The following USP2 variants were observed in gnomAD, a reference collection of about 807,000 sequenced individuals.
USP2 encodes the protein ubiquitin specific peptidase 2.
USP2 carries 33 observed loss-of-function variants against 72.0 expected under a neutral mutation model. That is an observed-to-expected ratio of 0.46 (90% confidence interval 0.35 to 0.61). USP2 has a LOEUF of 0.61. Among genes scored for constraint, USP2 ranks in the 20% least tolerant of loss-of-function variants. USP2 has a pLI of 0.01. For missense variants in USP2, 691 were observed against 797.8 expected, an observed-to-expected ratio of 0.87 and a Z score of 1.61; for synonymous variants, 296 against 312.5, an observed-to-expected ratio of 0.95 and a Z score of 0.56.
chr11:119,358,666 G>A, intron 7 of USP2, 107 bp downstream of exon 7: 3 of 1,341,448 alleles, frequency 2.2e-6, no homozygotes, highest in Non-Finnish European at 3.2e-6. Flanking sequence ...TTGAACACTA[G>A]GCAGAAACAG....
In USP2 at chr11:119,356,837, A is replaced by G; in HGVS notation, c.1816T>C (p.Ter606GlnextTer17). ...GAGAAGGGACGTGGCTCCTGGCGCTACATTCGGGAGGGCGGGCTGGCCAGT... is the reference window on the plus strand; with the variant it reads ...GAGAAGGGACGTGGCTCCTGGCGCTGCATTCGGGAGGGCGGGCTGGCCAGT... ...YELASPPSRM[*>Q] The change falls in exon 13 of 13, where the codon TAG becomes CAG. Residue 606 changes from the stop codon to glutamine, a stop_lost. Transcript: ENST00000260187. 1 of 1,561,534 alleles carries G rather than the reference A, an allele frequency of 6.4e-7. No homozygotes were observed.
intron 1 of USP2, chr11:119,376,273 G>T: frequency 4.1e-6 from 4 of 985,650 alleles, no homozygotes; most frequent in Non-Finnish European, 4.8e-6. Context: ...GCAGGAGAGC[G>T]GGCTGGGGCC....
At chr11:119,380,105 TG>T (rs1456446137) in intron 1 of USP2, among the ~76,000 whole-genome samples, 2 of 151,824 alleles carry the variant, frequency 1.3e-5, no homozygotes, top group African/African-American at 4.8e-5. Context: ...TTAGTAGAGA[TG>T]GGGTTTCACC....
chr11:119,378,785 C>A (rs1951029943), intron 1 of USP2, among the ~76,000 whole-genome samples: 1 of 152,206 alleles, frequency 6.6e-6, no homozygotes, highest in Non-Finnish European at 1.5e-5. Flanking sequence ...CCCAGGTACT[C>A]TCCTGGTGCC....
rs112474908 is a variant in USP2 at position 119,367,473 on chromosome 11, C to T, written c.774+5234G>A. ...AAGCCTGGCTCCCAGCATGTGCCTG[C>T]GATTACCACCGCAAATGGACAGACC... On this transcript the variant is annotated intron_variant, in intron 2 of 12. Coordinates refer to ENST00000260187, the MANE Select transcript of USP2 (RefSeq NM_004205.5). Among the ~76,000 whole-genome samples the T allele has an allele frequency of 2.4e-3, 373 of 152,246 alleles. 3 individuals are homozygous for T. Among genetic ancestry groups the T allele is most frequent in the Non-Finnish European group, 3.5e-3 (238 of 68,026 alleles).
Position 119,359,647 on chromosome 11 carries a change from G to A in USP2, c.839C>T (p.Ser280Leu). Reference protein sequence around the residue: ...RNLGNTCFMNSILQCLSNTRE... With the variant: ...RNLGNTCFMNLILQCLSNTRE... ...AGTGTTGCTCAGGCACTGCAGAATT[G>A]AGTTCATGAAGCACTGCAAGAGATG... Residue 280 changes from serine to leucine, a missense_variant, in exon 4 of 13, where the codon TCA (serine) becomes TTA (leucine). Transcript: ENST00000260187. The A allele has an allele frequency of 2.5e-6, 4 of 1,613,716 alleles. No individual in the cohort carries two copies. The highest frequency in any genetic ancestry group is 3.4e-6 in the Non-Finnish European group (4 of 1,180,024).
At position 119,381,505 on chromosome 11, in the gene USP2, C is replaced by CA. The variant is rs1229744578; in HGVS notation, c.-75_-74insT. 9.1e-6 allele frequency: 14 copies of CA among 1,536,054 alleles called. No individual in the cohort carries two copies. In the Admixed American group the frequency reaches 1.4e-4, roughly 15 times the overall value. On this transcript the variant is annotated 5_prime_UTR_variant, in exon 1 of 13. It introduces an in-frame stop codon into an upstream open reading frame of the 5' UTR. Coordinates refer to ENST00000260187, the MANE Select transcript of USP2 (RefSeq NM_004205.5). ...TTCTTGGAGTATGGACGAGTCGAAC[C>CA]GGGCACAAGCATGGAGCTGCGGGTG...
intron 2 of USP2, among the ~76,000 whole-genome samples, chr11:119,367,065 G>A (rs1026327051): frequency 1.3e-5 from 2 of 152,144 alleles, no homozygotes; most frequent in East Asian, 1.9e-4. Flanking sequence ...CTCATCTCTC[G>A]GCCAGCCAGG....
At chr11:119,365,988 G>A (rs1007213325) in intron 2 of USP2, among the ~76,000 whole-genome samples, 13 of 151,338 alleles carry the variant, frequency 8.6e-5, no homozygotes, top group East Asian at 1.9e-4. Flanking sequence ...TCTGCCTCCC[G>A]GGTTCAAACA....
At position 119,381,595 on chromosome 11, in the gene USP2, G is replaced by T; in HGVS notation, c.-164C>A. ...TGACGAAGAGGGCTCCCCGGCCTCG[G>T]CTCCTGCCTGACTCTCTCCCACCTC... On this transcript the variant is annotated 5_prime_UTR_variant, in exon 1 of 13. Coordinates refer to ENST00000260187, the MANE Select transcript of USP2 (RefSeq NM_004205.5). 1 of 1,516,370 alleles carries T rather than the reference G, an allele frequency of 6.6e-7. No individual in the cohort carries two copies. Among genetic ancestry groups the T allele is most frequent in the Non-Finnish European group, 8.9e-7 (1 of 1,129,462 alleles). The allele number at this position is 1,516,370 out of a possible 1,614,324, so 93.9% of individuals were successfully genotyped here.
At chr11:119,372,607 G>A in intron 2 of USP2, 100 bp downstream of exon 2, 2 of 1,213,606 alleles carry the variant, frequency 1.6e-6, no homozygotes, top group East Asian at 4.9e-5. Context: ...GGAGCAGCCT[G>A]TCAGTCATCA....
At position 119,358,152 on chromosome 11, in the gene USP2, A is replaced by G. The variant is rs146666365; in HGVS notation, c.1338T>C (p.Ala446=). 6.9e-5 allele frequency: 112 copies of G among 1,614,052 alleles called. No homozygotes were observed. The highest frequency in any genetic ancestry group is 9.1e-5 in the Non-Finnish European group (107 of 1,180,030). Residue 446 remains alanine, a synonymous_variant, in exon 8 of 13, where the codon GCT becomes GCC. Transcript: ENST00000260187. The part of the protein sequence containing the change: ...DPFWDLSLPI[A]KRGYPEVTLM... ...GGCGGGCAACTGGGGTGCATACCTT[A>G]GCAATGGGCAGTGAGAGGTCCCAGA... is the stretch of plus-strand genomic sequence containing the variant.
chr11:119,371,002 G>C (rs1236268570), intron 2 of USP2, among the ~76,000 whole-genome samples: 1 of 152,150 alleles, frequency 6.6e-6, no homozygotes, highest in African/African-American at 2.4e-5. Flanking sequence ...CATGATTGGG[G>C]CTGAGGGTGG....
intron 1 of USP2, among the ~76,000 whole-genome samples, chr11:119,379,725 A>C (rs1477714458): frequency 6.6e-6 from 1 of 152,212 alleles, no homozygotes; most frequent in African/African-American, 2.4e-5. Flanking sequence ...ATAGTGGTCT[A>C]TCTCAGTTGT....
At chr11:119,373,858 C>A (rs1305804465) in intron 1 of USP2, among the ~76,000 whole-genome samples, 2 of 152,230 alleles carry the variant, frequency 1.3e-5, no homozygotes, top group Admixed American at 1.3e-4. Context: ...AGGTCAAATC[C>A]CATTGCCTCA....
At chr11:119,360,806 C>T (rs551746389) in intron 2 of USP2, among the ~76,000 whole-genome samples, 1 of 152,244 alleles carries the variant, frequency 6.6e-6, no homozygotes, top group South Asian at 2.1e-4. Context: ...ATCTCCCTGC[C>T]CCCCATCTTT....
In USP2 at chr11:119,360,253, T is replaced by A; in HGVS notation, c.775-19A>T. On this transcript the variant is annotated intron_variant, in intron 2 of 12. Coordinates refer to ENST00000260187, the MANE Select transcript of USP2 (RefSeq NM_004205.5). ...TAGAATTCTGTAAGCAAAGAACATATGGCAATAAGGTGGAAGCAAAGATGC... is the reference window on the plus strand; with the variant it reads ...TAGAATTCTGTAAGCAAAGAACATAAGGCAATAAGGTGGAAGCAAAGATGC... The A allele has an allele frequency of 1.9e-6, 3 of 1,613,612 alleles. No homozygotes were observed.
intron 2 of USP2, among the ~76,000 whole-genome samples, chr11:119,366,681 T>C (rs993518855): frequency 6.6e-6 from 1 of 152,194 alleles, no homozygotes; most frequent in East Asian, 1.9e-4. Context: ...CTAGGAATCC[T>C]GGGAGTCACA....
intron 2 of USP2, among the ~76,000 whole-genome samples, chr11:119,369,495 CT>C (rs368072999): frequency 1.7e-3 from 264 of 151,834 alleles, no homozygotes; most frequent in African/African-American, 6.3e-3. Flanking sequence ...ACAGGATGTA[CT>C]TTTTTTTACC....
Sources: allele counts gnomAD v4.1 joint callset (sites outside exome capture counted in the v4.1 genomes callset), GRCh38; gene constraint gnomAD v4.1.1; transcripts MANE v1.5; gene names NCBI Gene and HGNC (gene_info 2026-07-23, HGNC 2026-07-21).